The following FERMT1 variants were observed in gnomAD, a reference collection of about 807,000 sequenced individuals.
FERMT1 encodes FERM domain containing kindlin 1.
Under a neutral mutation model 85.3 loss-of-function variants are expected in FERMT1, and 60 were observed. The ratio of observed to expected loss-of-function variants is 0.70; its 90% confidence interval spans 0.57 to 0.87. FERMT1 has a LOEUF of 0.87. FERMT1 is among the 40% of genes least tolerant of loss of function. FERMT1 has a pLI of 0.00. For synonymous variants in FERMT1, 275 were observed against 301.1 expected (o/e 0.91, Z 0.90); for missense variants, 701 against 818.9 (o/e 0.86, Z 1.76).
chr20:6,090,376 A>G (rs1982322535), intron 9 of FERMT1, among the ~76,000 whole-genome samples: 1 of 152,128 alleles, frequency 6.6e-6, no homozygotes, highest in Non-Finnish European at 1.5e-5. Flanking sequence ...CCCAGCTGGG[A>G]CAATTTTTTT....
intron 9 of FERMT1, among the ~76,000 whole-genome samples, chr20:6,089,872 T>C (rs959461227): frequency 6.6e-6 from 1 of 151,826 alleles, no homozygotes; most frequent in African/African-American, 2.4e-5. Context: ...ATAGGAAACG[T>C]GAGAATGAGC....
chr20:6,088,209 C>T (rs1982239365), intron 10 of FERMT1, among the ~76,000 whole-genome samples: 1 of 152,182 alleles, frequency 6.6e-6, no homozygotes, highest in Non-Finnish European at 1.5e-5. Context: ...AAGGAATTCT[C>T]TGATTGTCAC....
rs139184940 is a variant in FERMT1 at position 6,085,095 on chromosome 20, G to C, written c.1564C>G (p.Arg522Gly). The stretch of plus-strand genomic sequence containing the variant: ...TTGGATTTGTGTCTTTTTGCACACC[G>C]TGGTGACACAAAACATTCTGGGTTC... ...DMNPECFVSP[R>G]CAKRHKSKQL... The change falls in exon 12 of 15, where the codon CGG becomes GGG. Residue 522 changes from arginine (R) to glycine (G), a missense_variant. Transcript: ENST00000217289. 1 of 1,613,990 alleles carries C rather than the reference G, an allele frequency of 6.2e-7. No individual in the cohort carries two copies. The highest frequency in any genetic ancestry group is 2.2e-5 in the East Asian group (1 of 44,892).
intron 11 of FERMT1, 90 bp downstream of exon 11, chr20:6,087,687 T>A (rs115189669): frequency 5.1e-6 from 4 of 779,692 alleles, no homozygotes; most frequent in Non-Finnish European, 9.5e-6. Context: ...AGTGACACAA[T>A]AGTGCTCTAA....
Position 6,097,003 on chromosome 20 carries a change from C to CA in FERMT1, c.987dup (p.Glu330Ter), listed in dbSNP as rs1178028769. ...GACTCGCCTGCAAAATCCTGTGTTTCAGCAGACAACGACAGTTTGCTAATG... is the reference window on the plus strand; with the variant it reads ...GACTCGCCTGCAAAATCCTGTGTTTCAAGCAGACAACGACAGTTTGCTAATG... On this transcript the variant is annotated frameshift_variant, in exon 8 of 15. Coordinates refer to ENST00000217289, the MANE Select transcript of FERMT1 (RefSeq NM_017671.5). LOFTEE classifies it high-confidence loss of function. 6.2e-7 allele frequency: 1 copy of CA among 1,613,820 alleles called. No homozygotes were observed. The highest frequency in any genetic ancestry group is 2.2e-5 in the East Asian group (1 of 44,888).
In FERMT1 at chr20:6,119,410, G is replaced by C. The variant is rs929847047; in HGVS notation, c.145C>G (p.Gln49Glu). 2.5e-6 allele frequency: 4 copies of C among 1,613,936 alleles called. No individual in the cohort carries two copies. The highest frequency in any genetic ancestry group is 3.4e-6 in the Non-Finnish European group (4 of 1,179,918). The stretch of plus-strand genomic sequence containing the variant: ...TAAAGCAAGAGTAACTTACTGATCT[G>C]TTCTACTAACTTGAGCATCACTCCT... ...VGGVMLKLVEQINISQDWSDF... is the reference protein window; with the variant it reads ...VGGVMLKLVEEINISQDWSDF... Residue 49 changes from glutamine to glutamate, a missense_variant, in exon 2 of 15, where the codon CAG (glutamine) becomes GAG (glutamate). Transcript: ENST00000217289.
At chr20:6,097,216 G>T (rs1461708356) in intron 7 of FERMT1, among the ~76,000 whole-genome samples, 183 bp from the exon 8 acceptor site, 1 of 152,162 alleles carries the variant, frequency 6.6e-6, no homozygotes, top group African/African-American at 2.4e-5. Flanking sequence ...GAGGTTCATG[G>T]TTAGTCATGT....
intron 5 of FERMT1, among the ~76,000 whole-genome samples, chr20:6,108,189 G>A (rs1363214044): frequency 6.6e-6 from 1 of 152,130 alleles, no homozygotes; most frequent in Non-Finnish European, 1.5e-5. Context: ...TTGAATTTCA[G>A]AATTTTGGAT....
At chr20:6,091,784 G>C (rs916392643) in intron 9 of FERMT1, among the ~76,000 whole-genome samples, 1 of 152,054 alleles carries the variant, frequency 6.6e-6, no homozygotes, top group Admixed American at 6.6e-5. Context: ...CATCTTTCAG[G>C]ATGCTTCTGA....
chr20:6,104,213 A>G lies in FERMT1; in HGVS notation c.849+3319T>C, dbSNP rs965066824. ...AATGTTGAATTCTAGCATTTTACGT[A>G]TCTGAGATTTTAATCAGCACCTGTT... On this transcript the variant is annotated intron_variant, in intron 6 of 14. Transcript: ENST00000217289. This position sits in a 1 kb window ranked among gnomAD's most constrained non-coding sequence, Gnocchi z 4.2. 1.3e-5 allele frequency among the ~76,000 whole-genome samples: 2 copies of G among 152,078 alleles called. No individual in the cohort carries two copies. The highest frequency in any genetic ancestry group is 2.9e-5 in the Non-Finnish European group (2 of 67,996).
Position 6,074,856 on chromosome 20 carries a change from T to G in FERMT1, c.*2317A>C, listed in dbSNP as rs978990163. ...CAACAGGACCGTACTCAAATCCATA[T>G]AAATCTTTTACTTAAAAGTCATATA... is the stretch of plus-strand genomic sequence containing the variant. On this transcript the variant is annotated 3_prime_UTR_variant, in exon 15 of 15. Transcript: ENST00000217289. 1 of 152,270 alleles carries G rather than the reference T, an allele frequency of 6.6e-6. No individual in the cohort carries two copies. Among genetic ancestry groups the G allele is most frequent in the African/African-American group, 2.4e-5 (1 of 41,422 alleles). 9.4% of individuals were successfully genotyped at this position (152,270 alleles called of 1,614,324 possible).
At position 6,085,066 on chromosome 20, in the gene FERMT1, C is replaced by T; in HGVS notation, c.1593G>A (p.Gln531=). ...ATTGCCCTAACAAGATTAACAGTAC[C>T]TGTTTGGATTTGTGTCTTTTTGCAC... ...PRCAKRHKSK[Q]LAARILEAHQ... Residue 531 remains glutamine (Q), a splice_region_variant and synonymous_variant, in exon 12 of 15, where the codon CAG becomes CAA. Transcript: ENST00000217289. 2 of 1,610,412 alleles carry T rather than the reference C, an allele frequency of 1.2e-6. No individual in the cohort carries two copies. The highest frequency in any genetic ancestry group is 1.7e-4 in the Middle Eastern group (1 of 6,058).
intron 13 of FERMT1, among the ~76,000 whole-genome samples, chr20:6,083,518 AG>A (rs1982058726): frequency 6.6e-6 from 1 of 151,996 alleles, no homozygotes; most frequent in South Asian, 2.1e-4. Context: ...AGACACAAAA[AG>A]GAGGAAGCTG....
chr20:6,083,141 C>G (rs945222816), intron 13 of FERMT1, among the ~76,000 whole-genome samples: 7 of 152,288 alleles, frequency 4.6e-5, no homozygotes, highest in African/African-American at 1.4e-4. Context: ...TTTGCTTAAG[C>G]ATCAGTCTCC....
intron 2 of FERMT1, among the ~76,000 whole-genome samples, chr20:6,116,531 C>T (rs1019766850): frequency 5.3e-5 from 8 of 151,996 alleles, no homozygotes; most frequent in African/African-American, 1.7e-4. Flanking sequence ...AGTTCGAGAC[C>T]AGCCCGGCCT....
intron 8 of FERMT1, among the ~76,000 whole-genome samples, chr20:6,096,132 G>T (rs184753758): frequency 1.8e-3 from 270 of 152,328 alleles, no homozygotes; most frequent in African/African-American, 6.3e-3. Flanking sequence ...AAAGCATTCA[G>T]AAACTTTTTG....
At chr20:6,102,696 A>G (rs1157734183) in intron 6 of FERMT1, among the ~76,000 whole-genome samples, 12 of 145,460 alleles carry the variant, frequency 8.2e-5, no homozygotes, top group African/African-American at 1.2e-4. Flanking sequence ...AAAAAAAAAA[A>G]AAAAAGAAAA....
chr20:6,121,541 C>T (rs1171480916), intron 1 of FERMT1, among the ~76,000 whole-genome samples: 2 of 152,400 alleles, frequency 1.3e-5, no homozygotes, highest in East Asian at 1.9e-4. Context: ...TTAGGCCTAA[C>T]TGCTTGCCTC....
chr20:6,116,034 T>C lies in FERMT1; in HGVS notation c.162A>G (p.Gln54=). 1 of 1,613,498 alleles carries C rather than the reference T, an allele frequency of 6.2e-7. No homozygotes were observed. The highest frequency in any genetic ancestry group is 8.5e-7 in the Non-Finnish European group (1 of 1,179,486). Residue 54 remains glutamine (Q), a synonymous_variant, in exon 3 of 15, where the codon CAA becomes CAG. Transcript: ENST00000217289. ...ACCAAAGAGCAAAGTCTGACCAGTC[T>C]TGGGATATATCTGCAAAAATGAAAG... ...LKLVEQINIS[Q]DWSDFALWWE...
Sources: gnomAD v4.1 joint callset for allele counts (sites outside exome capture counted in the v4.1 genomes callset) on GRCh38, gnomAD v4.1.1 for gene constraint, Gnocchi (gnomAD v3.1) non-coding constraint, MANE v1.5 for transcripts, NCBI Gene and HGNC (gene_info 2026-07-23, HGNC 2026-07-21) for gene names.